Variants in SH3PXD2A observed in about 807,000 individuals in gnomAD.
SH3PXD2A encodes the protein SH3 and PX domains 2A, also known as SH3 and PX domain-containing protein 2A.
A neutral mutation model predicts 115.2 loss-of-function variants in SH3PXD2A; 32 were observed. The observed-to-expected ratio is 0.28, with a 90% confidence interval of 0.21 to 0.37. The LOEUF is 0.37. SH3PXD2A is among the 10% of genes least tolerant of loss of function. SH3PXD2A has a pLI of 1.00. For synonymous variants in SH3PXD2A, 610 were observed against 629.1 expected (o/e 0.97, Z 0.45); for missense variants, 1,328 against 1,498.7 (o/e 0.89, Z 1.88).
intron 13 of SH3PXD2A, among the ~76,000 whole-genome samples, chr10:103,608,430 G>GAA (rs953168200): frequency 0.14 from 11,852 of 85,176 alleles, 946 homozygotes; most frequent in Non-Finnish European, 0.22. Flanking sequence ...TCCATGTCAA[G>GAA]AAAAAAAAAA....
At position 103,620,450 on chromosome 10, in the gene SH3PXD2A, C is replaced by A. The variant is rs956116116; in HGVS notation, c.802+2020G>T. ...CAGCAGTCTCCCCACTCCCTTCCTG[C>A]CCCCACGACTTACCCAACCCCACTG... On this transcript the variant is annotated intron_variant, in intron 10 of 14. Coordinates refer to ENST00000369774, the MANE Select transcript of SH3PXD2A (RefSeq NM_001394015.1). The surrounding 1 kb of genome is among the most constrained non-coding windows in gnomAD (Gnocchi z 5.3). Among the ~76,000 whole-genome samples the A allele has an allele frequency of 6.6e-6, 1 of 152,212 alleles. No homozygotes were observed. The highest frequency in any genetic ancestry group is 1.5e-5 in the Non-Finnish European group (1 of 68,044).
chr10:103,768,094 A>G (rs891069069), intron 2 of SH3PXD2A, among the ~76,000 whole-genome samples: 1 of 152,196 alleles, frequency 6.6e-6, no homozygotes, highest in African/African-American at 2.4e-5. Context: ...TTTCAAATAC[A>G]TATTGAGCAT....
intron 8 of SH3PXD2A, among the ~76,000 whole-genome samples, chr10:103,660,011 C>T (rs566832708): frequency 5.3e-5 from 8 of 152,272 alleles, no homozygotes; most frequent in South Asian, 2.1e-4. Flanking sequence ...CTTTCCTTTC[C>T]GGGTTTAAAC....
Position 103,602,078 on chromosome 10 carries a change from G to A in SH3PXD2A, c.3140C>T (p.Pro1047Leu). 2 of 1,601,264 alleles carry A rather than the reference G, an allele frequency of 1.2e-6. No homozygotes were observed. The highest frequency in any genetic ancestry group is 1.3e-5 in the African/African-American group (1 of 74,852). The stretch of plus-strand genomic sequence containing the variant: ...CACGGGTATGCTGTTGCGCTGGGCG[G>A]GCAGTAGGGGTGAGTCTGAACCCTG... ...ASQGSDSPLL[P>L]AQRNSIPVSP... The change falls in exon 15 of 15, where the codon CCC becomes CTC. Residue 1047 changes from proline (P) to leucine (L), a missense_variant. Coordinates refer to ENST00000369774, the MANE Select transcript of SH3PXD2A (RefSeq NM_001394015.1).
In SH3PXD2A at chr10:103,756,426, T is replaced by C. The variant is rs1221705710; in HGVS notation, c.229+10668A>G. The stretch of plus-strand genomic sequence containing the variant: ...GTTGGGGGCCGGAGCTCCTTCTCAA[T>C]GCGCCTCAGTGTTCCCCTCCACCAC... On this transcript the variant is annotated intron_variant, in intron 3 of 14. Transcript: ENST00000369774. The surrounding 1 kb of genome is among the most constrained non-coding windows in gnomAD (Gnocchi z 4.4). 2.0e-5 allele frequency among the ~76,000 whole-genome samples: 3 copies of C among 152,050 alleles called. No homozygotes were observed. Among genetic ancestry groups the C allele is most frequent in the African/African-American group, 7.2e-5 (3 of 41,384 alleles).
intron 10 of SH3PXD2A, among the ~76,000 whole-genome samples, chr10:103,621,647 G>C (rs898580109): frequency 6.6e-6 from 1 of 152,218 alleles, no homozygotes; most frequent in Admixed American, 6.5e-5. Flanking sequence ...TCCATGCGGG[G>C]CTGGCCAAGC....
Position 103,602,852 on chromosome 10 carries a change from C to G in SH3PXD2A, c.2366G>C (p.Arg789Pro). 6.2e-7 allele frequency: 1 copy of G among 1,614,088 alleles called. No individual in the cohort carries two copies. Among genetic ancestry groups the G allele is most frequent in the Non-Finnish European group, 8.5e-7 (1 of 1,179,980 alleles). Residue 789 changes from arginine (R) to proline (P), a missense_variant, in exon 15 of 15, where the codon CGT becomes CCT. This residue lies in a region of SH3PXD2A where 574 missense variants were observed against 565.7 expected (regional missense o/e 1.01). Transcript: ENST00000369774. ...RRQLRPTGQL[R>P]GGLKGSKSED... ...ACTCTTGGAGCCCTTGAGCCCTCCA[C>G]GGAGCTGGCCTGTGGGTCTCAGCTG...
intron 11 of SH3PXD2A, among the ~76,000 whole-genome samples, chr10:103,614,236 C>T (rs1050218694): frequency 3.1e-4 from 47 of 151,966 alleles, no homozygotes; most frequent in Non-Finnish European, 4.7e-4. Flanking sequence ...CTCTGGGAGA[C>T]AGAGTGAGAC....
chr10:103,762,036 T>TTTTTA (rs1216043617), intron 3 of SH3PXD2A, among the ~76,000 whole-genome samples: 2 of 126,650 alleles, frequency 1.6e-5, no homozygotes, highest in African/African-American at 5.9e-5. Flanking sequence ...TTTTTTTTTT[T>TTTTTA]TTTTGATACA....
chr10:103,740,268 G>A (rs1256615908), intron 3 of SH3PXD2A, among the ~76,000 whole-genome samples: 6 of 152,184 alleles, frequency 3.9e-5, no homozygotes, highest in African/African-American at 1.2e-4. Flanking sequence ...CTATCTAGTG[G>A]CTGAGCTGGG....
At chr10:103,664,086 C>T (rs2037351239) in intron 7 of SH3PXD2A, among the ~76,000 whole-genome samples, 1 of 152,200 alleles carries the variant, frequency 6.6e-6, no homozygotes, top group South Asian at 2.1e-4. Flanking sequence ...CCCACTGTGC[C>T]CCTAGGGGAA....
intron 8 of SH3PXD2A, among the ~76,000 whole-genome samples, chr10:103,648,607 A>G (rs187536460): frequency 6.6e-6 from 1 of 152,326 alleles, no homozygotes; most frequent in East Asian, 1.9e-4. Context: ...GCAGTTCTCC[A>G]GGGCAACTTT....
chr10:103,769,179 TGTGC>T lies in SH3PXD2A; in HGVS notation c.154-2014_154-2011del, dbSNP rs1323184405. On this transcript the variant is annotated intron_variant, in intron 2 of 14. Coordinates refer to ENST00000369774, the MANE Select transcript of SH3PXD2A (RefSeq NM_001394015.1). ...GTGTGTGTGTGTGTGTGTGTGTGTG[TGTGC>T]GCGCGCGCGCGCATTTATTTCCATC... is the stretch of plus-strand genomic sequence containing the variant. Among the ~76,000 whole-genome samples the T allele has an allele frequency of 2.0e-3, 235 of 116,010 alleles. 1 individual carries two copies. The East Asian group carries it at 0.025, about 12-fold the overall frequency. 76.1% of individuals were successfully genotyped at this position (116,010 alleles called of 152,430 possible).
In SH3PXD2A at chr10:103,644,282, T is replaced by C. The variant is rs367866474; in HGVS notation, c.604+16701A>G. ...ACTCTGAGATAATAGATGAGAAAAA[T>C]GCTTTGAAAAGGATAGGCCAGGTGC... On this transcript the variant is annotated intron_variant, in intron 8 of 14. Coordinates refer to ENST00000369774, the MANE Select transcript of SH3PXD2A (RefSeq NM_001394015.1). Among the ~76,000 whole-genome samples, 4 of 150,034 alleles carry C rather than the reference T, an allele frequency of 2.7e-5. No individual in the cohort carries two copies. In the East Asian group the frequency reaches 8.1e-4, roughly 30 times the overall value.
At chr10:103,712,051 TA>T (rs1010543291) in intron 5 of SH3PXD2A, among the ~76,000 whole-genome samples, 394 of 136,964 alleles carry the variant, frequency 2.9e-3, no homozygotes, top group South Asian at 6.6e-3. Context: ...GTCTCAAAAT[TA>T]AAAAAAAAAA....
intron 3 of SH3PXD2A, among the ~76,000 whole-genome samples, chr10:103,744,523 G>A (rs971687216): frequency 7.9e-5 from 12 of 152,166 alleles, no homozygotes; most frequent in African/African-American, 2.7e-4. Context: ...CCTGGGGACT[G>A]CAGGTCACCT....
intron 3 of SH3PXD2A, 135 bp from the exon 4 acceptor site, chr10:103,735,943 C>T: frequency 1.3e-6 from 1 of 771,964 alleles, no homozygotes; most frequent in East Asian, 2.4e-5. Context: ...GTCAAGGAAA[C>T]AAGAGAGAAA....
chr10:103,632,257 C>G (rs1471651597), intron 8 of SH3PXD2A, among the ~76,000 whole-genome samples: 2 of 152,178 alleles, frequency 1.3e-5, no homozygotes, highest in Non-Finnish European at 2.9e-5. Flanking sequence ...GGAAAGAAAA[C>G]GGTGCCTCTG....
chr10:103,622,997 T>C (rs759574042), intron 9 of SH3PXD2A, among the ~76,000 whole-genome samples: 1 of 152,172 alleles, frequency 6.6e-6, no homozygotes, highest in African/African-American at 2.4e-5. Context: ...CACTGAGTAC[T>C]GACTGTGAAC....
Sources: allele counts gnomAD v4.1 joint callset (sites outside exome capture counted in the v4.1 genomes callset), GRCh38; gene constraint gnomAD v4.1.1; regional missense constraint gnomAD v4.1.1; non-coding constraint Gnocchi (gnomAD v3.1); transcripts MANE v1.5; gene names NCBI Gene and HGNC (gene_info 2026-07-23, HGNC 2026-07-21).